CIB1: variants seen among roughly 807,000 people sequenced by gnomAD.
CIB1 encodes the protein calcium and integrin binding 1, also known as calcium and integrin-binding protein 1.
Under a neutral mutation model 25.0 loss-of-function variants are expected in CIB1, and 19 were observed. That is an observed-to-expected ratio of 0.76 (90% CI 0.53 to 1.12). The LOEUF (loss-of-function observed/expected upper bound fraction) is 1.12. Ranked by LOEUF, CIB1 falls within the 50% of genes most tolerant of loss-of-function variation. The pLI, the probability that CIB1 is intolerant of heterozygous loss-of-function variation, is 0.00. For missense variants in CIB1, 236 were observed against 242.6 expected (o/e 0.97, Z 0.18); for synonymous variants, 104 against 98.5 (o/e 1.06, Z -0.33).
the CIB1 span, chr15:90,263,520 A>G: frequency 3.8e-6 from 2 of 531,940 alleles, no homozygotes; most frequent in South Asian, 2.9e-5. Flanking sequence ...CTAATGGGAG[A>G]TAAGTAAACA....
chr15:90,264,223 GCT>G, the CIB1 span, among the ~76,000 whole-genome samples: 1 of 152,026 alleles, frequency 6.6e-6, no homozygotes, highest in Non-Finnish European at 1.5e-5. Context: ...ACAAGGTCAC[GCT>G]CTGTCGCCAA....
the CIB1 span, chr15:90,242,285 T>G: frequency 6.8e-6 from 2 of 295,978 alleles, no homozygotes; most frequent in East Asian, 8.7e-5. Flanking sequence ...TTTTAACGAT[T>G]AGGTGATTTT....
chr15:90,264,899 C>T, the CIB1 span: 1 of 1,536,126 alleles, frequency 6.5e-7, no homozygotes, highest in Non-Finnish European at 8.7e-7. Flanking sequence ...CAAGGTTCCC[C>T]TCTGCCCTGC....
At chr15:90,250,453 A>G in the CIB1 span, among the ~76,000 whole-genome samples, 5 of 152,016 alleles carry the variant, frequency 3.3e-5, no homozygotes, top group Admixed American at 6.6e-5. Context: ...ACCTCCACCT[A>G]CCTGGACACA....
the CIB1 span, chr15:90,265,339 C>T: frequency 1.6e-6 from 2 of 1,224,172 alleles, no homozygotes; most frequent in East Asian, 4.8e-5. Flanking sequence ...AGGCACTGGG[C>T]TGTCGCCGTC....
At chr15:90,257,328 G>C in the CIB1 span, 3 of 1,578,262 alleles carry the variant, frequency 1.9e-6, no homozygotes, top group Non-Finnish European at 2.6e-6. Context: ...CAAAAGTGCT[G>C]AGGTTCTCTA....
the CIB1 span, chr15:90,257,711 G>A: frequency 6.2e-7 from 1 of 1,614,092 alleles, no homozygotes; most frequent in Non-Finnish European, 8.5e-7. Flanking sequence ...ATGGCGCTGT[G>A]GGCAGTAAGA....
upstream of CIB1, among the ~76,000 whole-genome samples, chr15:90,235,909 A>G (rs1266293326): frequency 6.6e-6 from 1 of 151,426 alleles, no homozygotes; most frequent in Non-Finnish European, 1.5e-5. Context: ...TGTCCGAGAA[A>G]GAGTTAGTCT....
In CIB1 at chr15:90,230,527, G is replaced by A. The variant is rs1369543842; in HGVS notation, c.555-22C>T. ...GGAGCTGAACAAGAGAAAAGCGGTGGGTTTTCTGCTGGAAGAGGAGGGCAG... is the reference window on the plus strand; with the variant it reads ...GGAGCTGAACAAGAGAAAAGCGGTGAGTTTTCTGCTGGAAGAGGAGGGCAG... On this transcript the variant is annotated intron_variant, in intron 6 of 6. Transcript: ENST00000328649. 12 of 1,551,472 alleles carry A rather than the reference G, an allele frequency of 7.7e-6. No individual in the cohort carries two copies. The African/African-American group carries it at 1.5e-4, about 19-fold the overall frequency.
chr15:90,236,764 C>T (rs1317491029), upstream of CIB1, among the ~76,000 whole-genome samples: 1 of 151,844 alleles, frequency 6.6e-6, no homozygotes, highest in African/African-American at 2.4e-5. Context: ...TCTCGATCTC[C>T]TGATCTCTTG....
the CIB1 span, chr15:90,262,268 A>G: frequency 2.9e-6 from 4 of 1,377,860 alleles, no homozygotes; most frequent in Non-Finnish European, 3.8e-6. Context: ...CAGCAGGGAA[A>G]GAGGAAGCCA....
the CIB1 span, chr15:90,257,796 C>T: frequency 2.0e-6 from 3 of 1,468,584 alleles, no homozygotes; most frequent in South Asian, 3.5e-5. Flanking sequence ...TGAAACCAAG[C>T]TGGCTCTTGG....
rs1423996704 is a variant in CIB1, at chr15:90,230,303, C to CA, written c.*180dup. 1 of 644,738 alleles carries CA rather than the reference C, an allele frequency of 1.6e-6. No individual in the cohort carries two copies. The highest frequency in any genetic ancestry group is 2.8e-6 in the Non-Finnish European group (1 of 360,392). The allele number at this position is 644,738 out of a possible 1,614,324, so 39.9% of individuals were successfully genotyped here. ...AGTACAAACACAAACGGAGCAATGA[C>CA]AACAGCAGTGAGGAGAGGCCCTGAC... On this transcript the variant is annotated 3_prime_UTR_variant, in exon 7 of 7. Transcript: ENST00000328649.
At chr15:90,251,219 T>G in the CIB1 span, among the ~76,000 whole-genome samples, 1 of 149,034 alleles carries the variant, frequency 6.7e-6, no homozygotes, top group Non-Finnish European at 1.5e-5. Context: ...GTTCAGGCCA[T>G]TCTCCTGCCT....
the CIB1 span, chr15:90,263,868 T>A: frequency 1.0e-6 from 1 of 969,512 alleles, no homozygotes. Context: ...TTCTGCCCCA[T>A]GAATCAATCC....
chr15:90,241,250 T>C, the CIB1 span: 6 of 1,613,364 alleles, frequency 3.7e-6, no homozygotes, highest in South Asian at 1.1e-5. Context: ...CCATCAAGAG[T>C]GTGAGGCAGG....
the CIB1 span, chr15:90,263,572 G>A: frequency 1.6e-5 from 9 of 567,068 alleles, no homozygotes; most frequent in East Asian, 1.4e-4. Flanking sequence ...ACTATTCCCT[G>A]GGCTGGTAGC....
At chr15:90,239,305 A>ATGTGTGTGTGTGTGTGTGTGTGTGTGTG in the CIB1 span, among the ~76,000 whole-genome samples, 1 of 147,874 alleles carries the variant, frequency 6.8e-6, no homozygotes, top group African/African-American at 2.5e-5. Flanking sequence ...GAGACATAAA[A>ATGTGTGTGTGTGTGTGTGTGTGTGTGTG]TGTGTGTGTG....
At chr15:90,263,213 G>T in the CIB1 span, 1 of 1,387,852 alleles carries the variant, frequency 7.2e-7, no homozygotes, top group Non-Finnish European at 9.5e-7. Flanking sequence ...ACATGGTGTT[G>T]GTCTCAACAA....
Sources: allele counts gnomAD v4.1 joint callset (sites outside exome capture counted in the v4.1 genomes callset), GRCh38; gene constraint gnomAD v4.1.1; transcripts MANE v1.5; gene names NCBI Gene and HGNC (gene_info 2026-07-23, HGNC 2026-07-21).